The following PCDH15 variants were observed in gnomAD, a reference collection of about 807,000 sequenced individuals.
The protein encoded by PCDH15 is protocadherin-15.
PCDH15 carries 129 observed loss-of-function variants against 178.5 expected under a neutral mutation model. The ratio of observed to expected loss-of-function variants is 0.72; its 90% CI spans 0.63 to 0.84. PCDH15 has a LOEUF of 0.84. Ranked by LOEUF, PCDH15 falls within the 40% of genes least tolerant of loss-of-function variation. PCDH15 has a pLI of 0.00. For synonymous variants in PCDH15, 800 were observed against 732.0 expected (o/e 1.09, Z -1.50); for missense variants, 2,230 against 2,099.9 (o/e 1.06, Z -1.21).
intron 21 of PCDH15, among the ~76,000 whole-genome samples, chr10:53,966,897 C>CAT (rs1028122968): frequency 1.1e-4 from 16 of 151,286 alleles, no homozygotes; most frequent in Non-Finnish European, 1.8e-4. Flanking sequence ...AATAATCATT[C>CAT]ATATATATAT....
intron 9 of PCDH15, among the ~76,000 whole-genome samples, chr10:54,219,826 G>T (rs1229681789): frequency 1.3e-5 from 2 of 151,808 alleles, no homozygotes; most frequent in Non-Finnish European, 2.9e-5. Flanking sequence ...CTATGATATT[G>T]TCAGAATGCT....
intron 3 of PCDH15, among the ~76,000 whole-genome samples, chr10:54,455,127 T>A (rs2076736143): frequency 6.6e-6 from 1 of 152,162 alleles, no homozygotes; most frequent in Non-Finnish European, 1.5e-5. Context: ...TGATTGTATG[T>A]TTCCTGAGGC....
intron 2 of PCDH15, among the ~76,000 whole-genome samples, chr10:55,152,437 G>A (rs1313185196): frequency 1.3e-5 from 2 of 152,002 alleles, no homozygotes; most frequent in South Asian, 2.1e-4. Flanking sequence ...CATTTTAATG[G>A]GTATATAATT....
At chr10:54,499,178 C>A (rs1167041205) in intron 3 of PCDH15, among the ~76,000 whole-genome samples, 1 of 152,088 alleles carries the variant, frequency 6.6e-6, no homozygotes, top group East Asian at 1.9e-4. Flanking sequence ...AAAACAAGTA[C>A]TTAGAAACCT....
rs1160719926 is a variant in PCDH15 at position 53,827,452 on chromosome 10, C to A, written c.4308G>T (p.Pro1436=). The A allele has an allele frequency of 2.5e-6, 4 of 1,612,978 alleles. No individual in the cohort carries two copies. The highest frequency in any genetic ancestry group is 1.7e-6 in the Non-Finnish European group (2 of 1,179,474). The change falls in exon 32 of 38, where the codon CCG becomes CCT. Residue 1436 remains proline (P), a synonymous_variant. Transcript: ENST00000644397. ...VPAPAPVAAP[P]PPPPPPPGAH... is the part of the protein sequence containing the mutation. ...CACCTGGCGGAGGCGGCGGCGGCGG[C>A]GGGGGCGCTGCCACTGGTGCAGGAG... is the stretch of plus-strand genomic sequence containing the variant.
At chr10:54,867,610 C>T (rs550863383) in intron 3 of PCDH15, among the ~76,000 whole-genome samples, 1 of 151,996 alleles carries the variant, frequency 6.6e-6, no homozygotes, top group Admixed American at 6.6e-5. Context: ...TGGGTTCTTG[C>T]ACATACCCTC....
intron 1 of PCDH15, among the ~76,000 whole-genome samples, chr10:54,732,553 C>T (rs1943554452): frequency 6.6e-6 from 1 of 151,590 alleles, no homozygotes; most frequent in South Asian, 2.1e-4. Flanking sequence ...CTTAAAAATT[C>T]TTCCAACAAA....
At chr10:54,437,987 A>T (rs1479751251) in intron 3 of PCDH15, among the ~76,000 whole-genome samples, 1 of 152,156 alleles carries the variant, frequency 6.6e-6, no homozygotes, top group African/African-American at 2.4e-5. Flanking sequence ...CAATTTCCAA[A>T]CACACTTTCA....
chr10:53,807,272 C>CTTTA, intron 37 of PCDH15, 142 bp from the exon 38 acceptor site: 1 of 647,876 alleles, frequency 1.5e-6, no homozygotes, highest in Non-Finnish European at 2.6e-6. Flanking sequence ...GGAAGCCAGT[C>CTTTA]TTTATTAACA....
chr10:54,403,007 C>T (rs1952134780), intron 3 of PCDH15, among the ~76,000 whole-genome samples: 1 of 151,936 alleles, frequency 6.6e-6, no homozygotes, highest in African/African-American at 2.4e-5. Context: ...CATCGTGCAT[C>T]CAACAGTTAG....
rs2080733750 is a variant in PCDH15, at chr10:53,881,714, TA to T, written c.3502-14858del. 3.9e-5 allele frequency among the ~76,000 whole-genome samples: 6 copies of T among 152,206 alleles called. No individual in the cohort carries two copies. The South Asian group carries it at 1.2e-3, about 31-fold the overall frequency. On this transcript the variant is annotated intron_variant, in intron 26 of 37. Transcript: ENST00000644397. ...GTATGCTAGATTACTTTTGTCTACA[TA>T]AAATTATACATATTTTTAACCCTTG...
intron 18 of PCDH15, among the ~76,000 whole-genome samples, chr10:54,043,332 G>A (rs1257573914): frequency 2.6e-5 from 4 of 151,892 alleles, no homozygotes; most frequent in African/African-American, 9.7e-5. Flanking sequence ...GACAATGACA[G>A]ACTTTACTCA....
chr10:54,937,545 T>G, intron 2 of PCDH15, among the ~76,000 whole-genome samples: 1 of 152,018 alleles, frequency 6.6e-6, no homozygotes, highest in East Asian at 1.9e-4. Flanking sequence ...TTTGTTAAAT[T>G]TATTCTTTAG....
chr10:55,331,305 C>T (rs993733473), intron 2 of PCDH15, among the ~76,000 whole-genome samples: 2 of 151,802 alleles, frequency 1.3e-5, no homozygotes, highest in Non-Finnish European at 2.9e-5. Context: ...AGGTGATGTG[C>T]CATATATGAG....
intron 2 of PCDH15, among the ~76,000 whole-genome samples, chr10:55,565,128 A>G (rs1402578807): frequency 4.0e-5 from 6 of 151,738 alleles, no homozygotes; most frequent in Admixed American, 1.3e-4. Flanking sequence ...AATAGGTTTA[A>G]AAGATATCAT....
intron 15 of PCDH15, among the ~76,000 whole-genome samples, chr10:54,092,954 A>C (rs1193314847): frequency 6.6e-6 from 1 of 152,182 alleles, no homozygotes; most frequent in Non-Finnish European, 1.5e-5. Flanking sequence ...CATAAAAGCC[A>C]GAAGAAATGC....
intron 2 of PCDH15, among the ~76,000 whole-genome samples, chr10:55,576,126 G>A (rs763604492): frequency 3.3e-5 from 5 of 152,132 alleles, no homozygotes; most frequent in East Asian, 1.9e-4. Context: ...TGACTCCCCC[G>A]AAATTTAACT....
chr10:54,205,461 G>T (rs1164699091), intron 10 of PCDH15, among the ~76,000 whole-genome samples: 1 of 116,950 alleles, frequency 8.6e-6, no homozygotes, highest in Non-Finnish European at 1.9e-5. Context: ...TTGGTAACAG[G>T]TTATCAGGTT....
chr10:55,295,573 T>C (rs996993431), intron 1 of PCDH15, among the ~76,000 whole-genome samples: 4 of 152,228 alleles, frequency 2.6e-5, no homozygotes, highest in African/African-American at 9.6e-5. Flanking sequence ...TGAAAAATGA[T>C]TTACCTAAAC....
Sources: allele counts gnomAD v4.1 joint callset (sites outside exome capture counted in the v4.1 genomes callset), GRCh38; gene constraint gnomAD v4.1.1; transcripts MANE v1.5; gene names NCBI Gene and HGNC (gene_info 2026-07-23, HGNC 2026-07-21).